The following RAB28 variants were observed in gnomAD, a reference collection of about 807,000 sequenced individuals.
The protein encoded by RAB28 is ras-related protein Rab-28.
A neutral mutation model predicts 31.7 loss-of-function variants in RAB28; 24 were observed. The observed-to-expected ratio is 0.76, with a 90% CI of 0.55 to 1.06. The LOEUF (loss-of-function observed/expected upper bound fraction) is 1.06, where lower values mean the gene tolerates loss of function less well. Ranked by LOEUF, RAB28 falls within the 50% of genes least tolerant of loss-of-function variation. The probability of loss-of-function intolerance (pLI) is 0.00; values close to 1 mark genes in which losing one functional copy is unlikely to be tolerated. For missense variants in RAB28, 254 were observed against 258.5 expected (o/e 0.98, Z 0.12); for synonymous variants, 100 against 90.4 (o/e 1.11, Z -0.60).
At chr4:13,417,980 C>A (rs1291901293) in intron 4 of RAB28, among the ~76,000 whole-genome samples, 2 of 152,076 alleles carry the variant, frequency 1.3e-5, no homozygotes, top group African/African-American at 4.8e-5. Context: ...TCGAGCCCCT[C>A]GCAAGGAAGC....
chr4:13,414,531 C>T (rs914277659), intron 4 of RAB28, among the ~76,000 whole-genome samples: 2 of 152,166 alleles, frequency 1.3e-5, no homozygotes, highest in African/African-American at 2.4e-5. Flanking sequence ...CCATACCTTC[C>T]GAAAATATAG....
intron 5 of RAB28, among the ~76,000 whole-genome samples, chr4:13,380,383 GTGA>G (rs1729080505): frequency 6.6e-6 from 1 of 152,072 alleles, no homozygotes; most frequent in African/African-American, 2.4e-5. Flanking sequence ...ATAGGGGTCA[GTGA>G]TGATTATTTG....
chr4:13,412,017 A>G (rs1353662848), intron 4 of RAB28, among the ~76,000 whole-genome samples: 1 of 149,706 alleles, frequency 6.7e-6, no homozygotes, highest in Non-Finnish European at 1.5e-5. Flanking sequence ...TCCATTCAAA[A>G]GTCAAAAAAA....
chr4:13,434,417 C>T (rs1471679432), intron 4 of RAB28, among the ~76,000 whole-genome samples: 1 of 152,184 alleles, frequency 6.6e-6, no homozygotes, highest in Non-Finnish European at 1.5e-5. Context: ...TAGAAGCACA[C>T]AAGTTTATAA....
chr4:13,466,219 G>C (rs893819462), intron 3 of RAB28, among the ~76,000 whole-genome samples: 1 of 151,638 alleles, frequency 6.6e-6, no homozygotes, highest in African/African-American at 2.4e-5. Context: ...TAAGCAAAGA[G>C]GAAAACTAAA....
At chr4:13,394,662 A>T (rs990701011) in intron 4 of RAB28, among the ~76,000 whole-genome samples, 1 of 152,218 alleles carries the variant, frequency 6.6e-6, no homozygotes, top group Non-Finnish European at 1.5e-5. Flanking sequence ...GACGGAGTAC[A>T]ATTGAGGAAA....
chr4:13,418,330 C>G, intron 4 of RAB28, among the ~76,000 whole-genome samples: 1 of 152,176 alleles, frequency 6.6e-6, no homozygotes, highest in Non-Finnish European at 1.5e-5. Flanking sequence ...AAACACTCTT[C>G]AGGATATTAT....
intron 3 of RAB28, among the ~76,000 whole-genome samples, chr4:13,469,259 G>T (rs1716008065): frequency 2.0e-5 from 3 of 151,940 alleles, no homozygotes; most frequent in African/African-American, 7.2e-5. Flanking sequence ...CAATCTTATG[G>T]TCATCTAAAT....
At chr4:13,440,840 A>G (rs570402208) in intron 4 of RAB28, among the ~76,000 whole-genome samples, 1 of 152,244 alleles carries the variant, frequency 6.6e-6, no homozygotes, top group East Asian at 1.9e-4. Context: ...AAGAAGAGAT[A>G]AGGACACGAC....
At chr4:13,380,613 A>G (rs1489307540) in intron 5 of RAB28, among the ~76,000 whole-genome samples, 2 of 152,152 alleles carry the variant, frequency 1.3e-5, no homozygotes, top group African/African-American at 2.4e-5. Context: ...AGATTTTAAA[A>G]TAAATACATA....
intron 4 of RAB28, among the ~76,000 whole-genome samples, chr4:13,395,996 A>G (rs1405650829): frequency 2.6e-5 from 4 of 152,038 alleles, no homozygotes; most frequent in African/African-American, 7.2e-5. Flanking sequence ...TGTATTATTA[A>G]TGTCTACTTG....
intron 4 of RAB28, among the ~76,000 whole-genome samples, chr4:13,456,016 AT>A (rs1330642816): frequency 6.6e-6 from 1 of 151,992 alleles, no homozygotes; most frequent in African/African-American, 2.4e-5. Context: ...AAACAAAGAA[AT>A]TTTTTTTTAA....
chr4:13,415,507 C>T (rs888187300), intron 4 of RAB28, among the ~76,000 whole-genome samples: 1 of 152,154 alleles, frequency 6.6e-6, no homozygotes, highest in Non-Finnish European at 1.5e-5. Flanking sequence ...CCAGCCCTGC[C>T]GGCCCGGGCA....
At chr4:13,428,520 C>T (rs929216232) in intron 4 of RAB28, among the ~76,000 whole-genome samples, 1 of 152,130 alleles carries the variant, frequency 6.6e-6, no homozygotes, top group Non-Finnish European at 1.5e-5. Context: ...TCAATAAGCA[C>T]TTTTTAAATG....
In RAB28 at chr4:13,412,770, CCATAT is replaced by C. The variant is rs143275051; in HGVS notation, c.392-31181_392-31177del. Among the ~76,000 whole-genome samples, 695 of 152,086 alleles carry C rather than the reference CCATAT, an allele frequency of 4.6e-3. 6 individuals are homozygous for C. The highest frequency in any genetic ancestry group is 0.016 in the African/African-American group (663 of 41,472). On this transcript the variant is annotated intron_variant, in intron 4 of 6. Transcript: ENST00000330852. ...AAATGAAAGTTGTGACTAAATATTA[CCATAT>C]ATTTTTAAAACTTAATTACACAACT...
At chr4:13,440,015 T>C (rs542481880) in intron 4 of RAB28, among the ~76,000 whole-genome samples, 2 of 152,288 alleles carry the variant, frequency 1.3e-5, no homozygotes, top group South Asian at 4.1e-4. Context: ...CAACTAATCA[T>C]AACATATTAA....
chr4:13,380,384 T>C (rs1383018990), intron 5 of RAB28, among the ~76,000 whole-genome samples: 1 of 152,054 alleles, frequency 6.6e-6, no homozygotes, highest in African/African-American at 2.4e-5. Flanking sequence ...TAGGGGTCAG[T>C]GATGATTATT....
chr4:13,371,976 A>G, intron 6 of RAB28: 4 of 1,022,312 alleles, frequency 3.9e-6, no homozygotes, highest in Middle Eastern at 2.0e-4. Flanking sequence ...GGAGGGCATA[A>G]GCAAGAAAGC....
chr4:13,465,566 T>C (rs1387530493), intron 3 of RAB28, among the ~76,000 whole-genome samples: 1 of 149,650 alleles, frequency 6.7e-6, no homozygotes, highest in Non-Finnish European at 1.5e-5. Flanking sequence ...TTATCAAAAG[T>C]AAAGGAGAAA....
Sources: gnomAD v4.1 joint callset for allele counts (sites outside exome capture counted in the v4.1 genomes callset) on GRCh38, gnomAD v4.1.1 for gene constraint, MANE v1.5 for transcripts, NCBI Gene and HGNC (gene_info 2026-07-23, HGNC 2026-07-21) for gene names.